Variants in SHROOM4 observed in about 807,000 individuals in gnomAD.
SHROOM4 encodes protein Shroom4.
SHROOM4 carries 17 observed loss-of-function variants against 80.3 expected under a neutral mutation model. That is an observed-to-expected ratio of 0.21 (90% confidence interval 0.14 to 0.32). SHROOM4 has a LOEUF of 0.32. Ranked by LOEUF, SHROOM4 falls within the 10% of genes least tolerant of loss-of-function variation. The pLI is 1.00. For missense variants in SHROOM4, 993 were observed against 1,140.3 expected, an observed-to-expected ratio of 0.87 and a Z score of 1.86; for synonymous variants, 400 against 437.5, an observed-to-expected ratio of 0.91 and a Z score of 1.07.
chrX:50,645,213 G>A (rs1297828149), intron 2 of SHROOM4, among the ~76,000 whole-genome samples: 1 of 111,889 alleles, frequency 8.9e-6, no homozygotes, highest in African/African-American at 3.3e-5. Flanking sequence ...TGCTCCTGGT[G>A]TGATAACCAC....
Position 50,794,540 on chromosome X carries a change from C to G in SHROOM4, c.117+19362G>C, listed in dbSNP as rs147125788. 8.2e-5 allele frequency among the ~76,000 whole-genome samples: 9 copies of G among 109,838 alleles called. No individual in the cohort carries two copies. The East Asian group carries it at 2.6e-3, about 32-fold the overall frequency. On this transcript the variant is annotated intron_variant, in intron 1 of 8. Transcript: ENST00000376020. ...TGCAGGACGCAGCATTTTAAAGAGA[C>G]TTTCTTAGCACAGAAGACAAGGAAG...
At chrX:50,667,700 G>GTTAA (rs1442699044) in intron 2 of SHROOM4, among the ~76,000 whole-genome samples, 1 of 112,070 alleles carries the variant, frequency 8.9e-6, no homozygotes, top group African/African-American at 3.2e-5. Context: ...TTAGAAGGGT[G>GTTAA]TTAATGTAAT....
chrX:50,678,943 C>T (rs1932890642), intron 2 of SHROOM4, among the ~76,000 whole-genome samples: 1 of 111,634 alleles, frequency 9.0e-6, no homozygotes, highest in Non-Finnish European at 1.9e-5. Flanking sequence ...GGCCTCTGCT[C>T]ATAATGTTTT....
At chrX:50,738,443 C>A (rs1235127998) in intron 1 of SHROOM4, among the ~76,000 whole-genome samples, 5 of 111,259 alleles carry the variant, frequency 4.5e-5, no homozygotes, top group African/African-American at 1.6e-4. Context: ...TCGTCTCAGC[C>A]CCAAATCTCC....
downstream of SHROOM4, among the ~76,000 whole-genome samples, chrX:50,586,460 A>G (rs1214380576): frequency 1.8e-5 from 2 of 111,494 alleles, no homozygotes; most frequent in Non-Finnish European, 3.8e-5. Context: ...AAGCCATGTT[A>G]TTTTACTCTG....
In SHROOM4 at chrX:50,695,926, T is replaced by A. The variant is rs1933356738; in HGVS notation, c.129A>T (p.Gly43=). The change falls in exon 2 of 9, where the codon GGA becomes GGT. Residue 43 remains glycine (G), a synonymous_variant. Transcript: ENST00000376020. Reference sequence around the variant, plus strand: ...TCTTCTGGGACAAAGCTGCCTTGCCTCCATCTTCAATCTGTGTTGCAGAGA... The same window carrying A: ...TCTTCTGGGACAAAGCTGCCTTGCCACCATCTTCAATCTGTGTTGCAGAGA... The part of the protein sequence containing the change: ...EPLTVSKIED[G]GKAALSQKMR... 1 of 1,210,216 alleles carries A rather than the reference T, an allele frequency of 8.3e-7. No individual in the cohort carries two copies. Among genetic ancestry groups the A allele is most frequent in the African/African-American group, 1.7e-5 (1 of 57,300 alleles).
intron 2 of SHROOM4, among the ~76,000 whole-genome samples, chrX:50,663,680 T>C (rs782420677): frequency 2.7e-5 from 3 of 111,075 alleles, no homozygotes; most frequent in Non-Finnish European, 5.7e-5. Flanking sequence ...TTTCTTTCCA[T>C]CCCTTTTTTA....
intron 1 of SHROOM4, among the ~76,000 whole-genome samples, chrX:50,800,008 G>C (rs1204602549): frequency 2.7e-5 from 3 of 112,049 alleles, no homozygotes; most frequent in African/African-American, 9.7e-5. Flanking sequence ...GGACAAGCAG[G>C]TAGCCAACCC....
chrX:50,788,700 T>C (rs12156773), intron 1 of SHROOM4, among the ~76,000 whole-genome samples: 89 of 111,214 alleles, frequency 8.0e-4, no homozygotes, highest in Non-Finnish European at 1.4e-3. Flanking sequence ...TAAATATAAA[T>C]GGGTTGACTC....
At chrX:50,627,722 T>C in intron 4 of SHROOM4, 47 bp from the exon 5 acceptor site, 1 of 1,067,152 alleles carries the variant, frequency 9.4e-7, no homozygotes, top group Non-Finnish European at 1.3e-6. Flanking sequence ...AGCAGCCAGG[T>C]ATCTAGATGG....
At chrX:50,647,923 G>A (rs1569547023) in intron 2 of SHROOM4, among the ~76,000 whole-genome samples, 1 of 112,454 alleles carries the variant, frequency 8.9e-6, no homozygotes, top group Non-Finnish European at 1.9e-5. Context: ...AAGGTGGACT[G>A]CAGTGGGAGA....
chrX:50,700,533 C>T (rs1933488791), intron 1 of SHROOM4, among the ~76,000 whole-genome samples: 1 of 111,858 alleles, frequency 8.9e-6, no homozygotes, highest in African/African-American at 3.2e-5. Flanking sequence ...GGGGCTGTTT[C>T]TAATCTACCC....
chrX:50,636,845 C>T (rs1320532344), intron 3 of SHROOM4, among the ~76,000 whole-genome samples: 1 of 111,685 alleles, frequency 9.0e-6, no homozygotes, highest in Non-Finnish European at 1.9e-5. Flanking sequence ...AGCGCTACTG[C>T]CATATGGTCT....
At chrX:50,662,324 G>C (rs1164023238) in intron 2 of SHROOM4, among the ~76,000 whole-genome samples, 1 of 110,524 alleles carries the variant, frequency 9.0e-6, no homozygotes, top group African/African-American at 3.3e-5. Context: ...CATAGTGAAA[G>C]CCCGTCTCTG....
intron 1 of SHROOM4, among the ~76,000 whole-genome samples, chrX:50,765,968 G>A (rs781880807): frequency 6.3e-5 from 7 of 111,585 alleles, no homozygotes; most frequent in Admixed American, 1.9e-4. Context: ...ACCTTCACCT[G>A]GTATGTTTCC....
intron 1 of SHROOM4, among the ~76,000 whole-genome samples, chrX:50,703,440 G>A (rs1232622292): frequency 1.8e-5 from 2 of 111,818 alleles, no homozygotes; most frequent in Non-Finnish European, 3.8e-5. Context: ...TCATCAGGCT[G>A]TTGTCACACA....
Position 50,634,406 on chromosome X carries a change from C to T in SHROOM4, c.1667G>A (p.Gly556Glu). 8.3e-7 allele frequency: 1 copy of T among 1,211,369 alleles called. No individual in the cohort carries two copies. Residue 556 changes from glycine (G) to glutamate (E), a missense_variant, in exon 4 of 9, where the codon GGG becomes GAG. Physicochemically the swap from Gly to Glu is moderately conservative, Grantham distance 98. Transcript: ENST00000376020. Reference protein sequence around the residue: ...AASGTEAGEEGDSEPKECSRM... With the variant: ...AASGTEAGEEEDSEPKECSRM... Reference sequence around the variant, plus strand: ...GCTGCACTCCTTGGGCTCGCTGTCCCCTTCTTCACCTGCCTCTGTGCCACT... The same window carrying T: ...GCTGCACTCCTTGGGCTCGCTGTCCTCTTCTTCACCTGCCTCTGTGCCACT...
intron 2 of SHROOM4, among the ~76,000 whole-genome samples, chrX:50,683,261 T>G (rs782368999): frequency 8.0e-5 from 9 of 111,964 alleles, no homozygotes; most frequent in African/African-American, 2.9e-4. Flanking sequence ...CAGTTGAATG[T>G]GGCCATAACA....
In SHROOM4 at chrX:50,693,230, G is replaced by A. The variant is rs73483715; in HGVS notation, c.269+2556C>T. ...TAAAGAGCCTGGTTTTTAAAAAATG[G>A]ACAGGGATGTAGGAAAATAACAAGG... On this transcript the variant is annotated intron_variant, in intron 2 of 8. Transcript: ENST00000376020. Among the ~76,000 whole-genome samples the A allele has an allele frequency of 2.5e-3, 275 of 111,117 alleles. 2 individuals are homozygous for A. The highest frequency in any genetic ancestry group is 8.7e-3 in the African/African-American group (266 of 30,557).
Sources: gnomAD v4.1 joint callset for allele counts (sites outside exome capture counted in the v4.1 genomes callset) on GRCh38, gnomAD v4.1.1 for gene constraint, MANE v1.5 for transcripts, NCBI Gene and HGNC (gene_info 2026-07-23, HGNC 2026-07-21) for gene names.